Variants in NLRP4 observed in about 807,000 individuals in gnomAD.
NLRP4 encodes the protein NLR family pyrin domain containing 4.
Under a neutral mutation model 84.7 loss-of-function variants are expected in NLRP4, and 44 were observed. The ratio of observed to expected loss-of-function variants is 0.52; its 90% CI spans 0.41 to 0.67. NLRP4 has a LOEUF of 0.67. Among genes scored for constraint, NLRP4 ranks in the 30% least tolerant of loss-of-function variants. The pLI, the probability that NLRP4 is intolerant of heterozygous loss-of-function variation, is 0.00. For synonymous variants in NLRP4, 544 were observed against 476.4 expected (o/e 1.14, Z -1.85); for missense variants, 1,260 against 1,219.4 (o/e 1.03, Z -0.50).
chr19:55,877,165 G>C lies in NLRP4; in HGVS notation c.2695G>C (p.Gly899Arg). ...THTDCRLEIL[G>R]LEECGLTSTC... ...TACGGATTGCCGCTTAGAGATTCTTGGGTGGGTATCGCCAAGCTCCTGGTT... is the reference window on the plus strand; with the variant it reads ...TACGGATTGCCGCTTAGAGATTCTTCGGTGGGTATCGCCAAGCTCCTGGTT... Residue 899 changes from glycine (G) to arginine (R), a missense_variant and splice_region_variant, in exon 8 of 10, where the codon GGG becomes CGG. Gly to Arg is a moderately radical substitution (Grantham distance 125, BLOSUM62 -2). This residue lies in a region of NLRP4 where 544 missense variants were observed against 531.7 expected (regional missense o/e 1.02). Transcript: ENST00000301295. 1 of 1,613,158 alleles carries C rather than the reference G, an allele frequency of 6.2e-7. No individual in the cohort carries two copies. The highest frequency in any genetic ancestry group is 8.5e-7 in the Non-Finnish European group (1 of 1,179,258).
intron 1 of NLRP4, among the ~76,000 whole-genome samples, chr19:55,850,247 T>G (rs76955822): frequency 0.035 from 3,548 of 101,412 alleles, 16 homozygotes; most frequent in African/African-American, 0.047. Flanking sequence ...GCGGTGTAAT[T>G]TCCGAGGCTG....
At chr19:55,839,054 A>T (rs1983505297) in intron 1 of NLRP4, among the ~76,000 whole-genome samples, 1 of 151,402 alleles carries the variant, frequency 6.6e-6, no homozygotes, top group African/African-American at 2.4e-5. Flanking sequence ...GGTTTGCTGC[A>T]CCTGTCAACT....
Position 55,858,834 on chromosome 19 carries a change from C to G in NLRP4, c.1441C>G (p.Gln481Glu). ...TCCTCACCCAGCTGTGAGATGTGTA[C>G]AGGAATTGCTAGTTGCCAATTTTGA... ...DHPHPAVRCV[Q>E]ELLVANFEKA... Residue 481 changes from glutamine (Q) to glutamate (E), a missense_variant, in exon 3 of 10, where the codon CAG becomes GAG. By Grantham distance (29) the Gln-to-Glu change is conservative. Around this residue, in one of 3 missense-constraint regions of NLRP4, gnomAD observed 712 missense variants for 669.2 expected, o/e 1.06. Coordinates refer to ENST00000301295, the MANE Select transcript of NLRP4 (RefSeq NM_134444.5). This position sits in a 1 kb window ranked among gnomAD's most constrained non-coding sequence, Gnocchi z 4.2. 2.5e-6 allele frequency: 4 copies of G among 1,614,068 alleles called. No homozygotes were observed. Among genetic ancestry groups the G allele is most frequent in the Non-Finnish European group, 3.4e-6 (4 of 1,179,962 alleles).
At chr19:55,877,990 C>A (rs2123070538) in intron 8 of NLRP4, among the ~76,000 whole-genome samples, 1 of 152,222 alleles carries the variant, frequency 6.6e-6, no homozygotes, top group East Asian at 1.9e-4. Context: ...TAGAAAACAT[C>A]CAAGATCACC....
chr19:55,875,866 T>TG (rs949736456), intron 7 of NLRP4, among the ~76,000 whole-genome samples: 10 of 137,286 alleles, frequency 7.3e-5, no homozygotes, highest in African/African-American at 2.3e-4. Context: ...CCGTCTCTAC[T>TG]GAAAAAAAAA....
chr19:55,859,945 A>C (rs1392050780), intron 3 of NLRP4, among the ~76,000 whole-genome samples: 6 of 124,392 alleles, frequency 4.8e-5, no homozygotes, highest in African/African-American at 8.2e-5. Flanking sequence ...AAAAAAAAAA[A>C]AAAAAAACAA....
intron 1 of NLRP4, among the ~76,000 whole-genome samples, chr19:55,849,771 TAGCTGC>T (rs1568657732): frequency 3.0e-5 from 4 of 132,514 alleles, no homozygotes; most frequent in African/African-American, 1.4e-4. Context: ...GTAATTTCTG[TAGCTGC>T]GGTGTAATTT....
chr19:55,880,009 C>T (rs1286318116), intron 9 of NLRP4, among the ~76,000 whole-genome samples: 1 of 151,822 alleles, frequency 6.6e-6, no homozygotes, highest in African/African-American at 2.4e-5. Flanking sequence ...TACTAGATAA[C>T]TATAGAGTCC....
intron 6 of NLRP4, among the ~76,000 whole-genome samples, chr19:55,868,894 C>A (rs1200382718): frequency 6.6e-6 from 1 of 152,080 alleles, no homozygotes; most frequent in African/African-American, 2.4e-5. Flanking sequence ...TAAGAGTATT[C>A]TGAAAATGTC....
intron 7 of NLRP4, 50 bp from the exon 8 acceptor site, chr19:55,876,946 T>G: frequency 6.7e-7 from 1 of 1,489,694 alleles, no homozygotes; most frequent in Non-Finnish European, 9.2e-7. Context: ...TTCCTGATAT[T>G]AGACTGAGGT....
chr19:55,858,279 A>C lies in NLRP4; in HGVS notation c.886A>C (p.Ile296Leu), dbSNP rs143468545. 11 of 1,614,038 alleles carry C rather than the reference A, an allele frequency of 6.8e-6. No individual in the cohort carries two copies. Among genetic ancestry groups the C allele is most frequent in the Non-Finnish European group, 9.3e-6 (11 of 1,180,018 alleles). ...CCGGGATCAGGTGACGATCTCAGAA[A>C]TCTACCAGCCCCGGGGATTCAACGA... ...ELRDQVTISE[I>L]YQPRGFNESD... is the part of the protein sequence containing the mutation. The change falls in exon 3 of 10, where the codon ATC becomes CTC. Residue 296 changes from isoleucine to leucine, a missense_variant. Transcript: ENST00000301295. This position sits in a 1 kb window ranked among gnomAD's most constrained non-coding sequence, Gnocchi z 4.2.
At chr19:55,876,946 T>C in intron 7 of NLRP4, 50 bp from the exon 8 acceptor site, 1 of 1,489,694 alleles carries the variant, frequency 6.7e-7, no homozygotes, top group Non-Finnish European at 9.2e-7. Context: ...TTCCTGATAT[T>C]AGACTGAGGT....
intron 1 of NLRP4, among the ~76,000 whole-genome samples, chr19:55,843,474 T>C (rs773755595): frequency 5.9e-5 from 9 of 151,932 alleles, no homozygotes; most frequent in African/African-American, 2.4e-5. Context: ...GTGGATCTCC[T>C]GAGGTCAGGA....
At chr19:55,879,095 G>C (rs1388322595) in intron 9 of NLRP4, 131 bp downstream of exon 9, 1 of 682,908 alleles carries the variant, frequency 1.5e-6, no homozygotes, top group African/African-American at 1.8e-5. Flanking sequence ...TGTTGCAGGA[G>C]TAAGAACCAA....
intron 1 of NLRP4, among the ~76,000 whole-genome samples, chr19:55,843,887 A>G (rs969126829): frequency 6.6e-6 from 1 of 151,974 alleles, no homozygotes; most frequent in Admixed American, 6.6e-5. Flanking sequence ...AGCCCTTTTC[A>G]TCCTTAGTCT....
intron 2 of NLRP4, among the ~76,000 whole-genome samples, chr19:55,853,889 T>TTC (rs145906779): frequency 0.13 from 17,448 of 132,080 alleles, 1,536 homozygotes; most frequent in African/African-American, 0.21. Context: ...TGCTATCTCT[T>TTC]TCTCTCTCTC....
In NLRP4 at chr19:55,878,928, C is replaced by T; in HGVS notation, c.2831C>T (p.Ala944Val). 2 of 1,613,712 alleles carry T rather than the reference C, an allele frequency of 1.2e-6. No homozygotes were observed. The part of the protein sequence containing the change: ...DHTGVVVLCE[A>V]LRHPECALQV... ...ACAGGGGTGGTTGTACTCTGTGAGG[C>T]CCTGAGACACCCAGAGTGTGCCCTG... The change falls in exon 9 of 10, where the codon GCC becomes GTC. Residue 944 changes from alanine to valine, a missense_variant. Physicochemically the swap from Ala to Val is moderately conservative, Grantham distance 64. This residue lies in a region of NLRP4 where 544 missense variants were observed against 531.7 expected (regional missense o/e 1.02). Coordinates refer to ENST00000301295, the MANE Select transcript of NLRP4 (RefSeq NM_134444.5).
intron 5 of NLRP4, among the ~76,000 whole-genome samples, chr19:55,864,537 G>C (rs995292462): frequency 2.0e-5 from 3 of 152,146 alleles, no homozygotes; most frequent in African/African-American, 7.2e-5. Flanking sequence ...ACACTCATGT[G>C]TGAACACCTG....
At chr19:55,878,284 G>A (rs555254268) in intron 8 of NLRP4, among the ~76,000 whole-genome samples, 3 of 151,926 alleles carry the variant, frequency 2.0e-5, no homozygotes, top group South Asian at 2.1e-4. Context: ...GCCCGCAGGC[G>A]TGGTGCATGC....
Sources: allele counts gnomAD v4.1 joint callset (sites outside exome capture counted in the v4.1 genomes callset), GRCh38; gene constraint gnomAD v4.1.1; regional missense constraint gnomAD v4.1.1; non-coding constraint Gnocchi (gnomAD v3.1); transcripts MANE v1.5; gene names NCBI Gene and HGNC (gene_info 2026-07-23, HGNC 2026-07-21).